LRRFIP1: variants seen among roughly 807,000 people sequenced by gnomAD.
LRRFIP1 encodes leucine-rich repeat flightless-interacting protein 1.
A neutral mutation model predicts 104.4 loss-of-function variants in LRRFIP1; 62 were observed. That is an observed-to-expected ratio of 0.59 (90% confidence interval 0.48 to 0.73). The LOEUF is 0.73. LRRFIP1 is among the 30% of genes least tolerant of loss of function. LRRFIP1 has a pLI of 0.00. For synonymous variants in LRRFIP1, 300 were observed against 299.0 expected, an observed-to-expected ratio of 1.00 and a Z score of -0.03; for missense variants, 796 against 824.5, an observed-to-expected ratio of 0.97 and a Z score of 0.42.
chr2:237,695,943 C>T (rs1476155829), intron 1 of LRRFIP1, among the ~76,000 whole-genome samples: 1 of 151,890 alleles, frequency 6.6e-6, no homozygotes, highest in Non-Finnish European at 1.5e-5. Flanking sequence ...TAGTATAATC[C>T]CCCTGCCCCA....
At chr2:237,692,197 T>A (rs1045143570) in intron 1 of LRRFIP1, 37 of 1,054,448 alleles carry the variant, frequency 3.5e-5, no homozygotes, top group Admixed American at 1.1e-4. Flanking sequence ...GAGTCCCGCT[T>A]CCCCGGCGCC....
chr2:237,683,921 A>G (rs954296236), intron 1 of LRRFIP1, among the ~76,000 whole-genome samples: 4 of 152,188 alleles, frequency 2.6e-5, no homozygotes, highest in Non-Finnish European at 2.9e-5. Flanking sequence ...TACTGTTTAA[A>G]TTCAGATTAT....
intron 1 of LRRFIP1, among the ~76,000 whole-genome samples, chr2:237,644,265 T>C (rs1575099860): frequency 6.6e-6 from 1 of 152,252 alleles, no homozygotes; most frequent in East Asian, 1.9e-4. Flanking sequence ...AGGAAAACTC[T>C]GCTAGGTTAA....
chr2:237,744,659 AT>A (rs1442682936), intron 11 of LRRFIP1, among the ~76,000 whole-genome samples: 2 of 152,252 alleles, frequency 1.3e-5, no homozygotes, highest in Non-Finnish European at 2.9e-5. Flanking sequence ...TTTCCAGTAG[AT>A]TTTCAATGAT....
intron 11 of LRRFIP1, among the ~76,000 whole-genome samples, chr2:237,741,525 C>T (rs56947644): frequency 0.049 from 7,402 of 152,228 alleles, 201 homozygotes; most frequent in Middle Eastern, 0.13. Flanking sequence ...ACTCACTTTT[C>T]AGAAAAGAAA....
intron 7 of LRRFIP1, among the ~76,000 whole-genome samples, chr2:237,725,892 A>G (rs1196312003): frequency 6.6e-6 from 1 of 152,262 alleles, no homozygotes; most frequent in Non-Finnish European, 1.5e-5. Context: ...CATAAGCAGC[A>G]GTGGAGAGCC....
Position 237,760,126 on chromosome 2 carries a change from T to TATG in LRRFIP1, c.1381_1382insTGA (p.Asn460_Asn461insMet), listed in dbSNP as rs773359908. 4 of 1,613,816 alleles carry TATG rather than the reference T, an allele frequency of 2.5e-6. No individual in the cohort carries two copies. The Admixed American group carries it at 5.0e-5, about 20-fold the overall frequency. ...ATGGAGAGACTTCCGACACCCTCAA[T>TATG]AATGTTGGATACCAAGGTCCTACCA... is the stretch of plus-strand genomic sequence containing the variant. On this transcript the variant is annotated inframe_insertion, in exon 19 of 24. Coordinates refer to ENST00000308482, the MANE Select transcript of LRRFIP1 (RefSeq NM_001137550.2).
In LRRFIP1 at chr2:237,661,381, CCTT is replaced by C. The variant is rs1407396479; in HGVS notation, c.96+33642_96+33644del. ...CACCATGCCTGCCAGTCCCTCTCCT[CCTT>C]AGAGCACAAGCCCTCTGATGCTCCC... is the stretch of plus-strand genomic sequence containing the variant. On this transcript the variant is annotated intron_variant, in intron 1 of 23. Transcript: ENST00000308482. The surrounding 1 kb of genome is among the most constrained non-coding windows in gnomAD (Gnocchi z 4.4). Among the ~76,000 whole-genome samples, 3 of 152,334 alleles carry C rather than the reference CCTT, an allele frequency of 2.0e-5. No homozygotes were observed. Among genetic ancestry groups the C allele is most frequent in the South Asian group, 2.1e-4 (1 of 4,826 alleles).
intron 2 of LRRFIP1, among the ~76,000 whole-genome samples, chr2:237,712,361 A>G (rs111656047): frequency 0.013 from 1,934 of 152,284 alleles, 33 homozygotes; most frequent in East Asian, 0.047. Flanking sequence ...TGAAGTTCAC[A>G]TTGAGGACGC....
rs1172576547 is a variant in LRRFIP1, at chr2:237,681,678, C to CTTTTTTTTTTTTTTTTTTTTTTTT, written c.97-26847_97-26846insTTTTTTTTTTTTTTTTTTTTTTTT. The stretch of plus-strand genomic sequence containing the variant: ...CACCGTGCCCGGCCGCAGTCCTATT[C>CTTTTTTTTTTTTTTTTTTTTTTTT]TTTTTTTTTTTTTTTTTTTGAGACG... On this transcript the variant is annotated intron_variant, in intron 1 of 23. Transcript: ENST00000308482. Among the ~76,000 whole-genome samples the CTTTTTTTTTTTTTTTTTTTTTTTT allele has an allele frequency of 1.6e-4, 7 of 44,908 alleles. 3 individuals are homozygous for CTTTTTTTTTTTTTTTTTTTTTTTT. Among genetic ancestry groups the CTTTTTTTTTTTTTTTTTTTTTTTT allele is most frequent in the African/African-American group, 2.2e-4 (3 of 13,482 alleles). 29.5% of individuals were successfully genotyped at this position (44,908 alleles called of 152,430 possible). A position where few individuals can be genotyped will look rare whatever the true frequency, so the allele number is the denominator to read the frequency against.
chr2:237,779,628 C>A lies in LRRFIP1; in HGVS notation c.*96C>A. On this transcript the variant is annotated 3_prime_UTR_variant, in exon 24 of 24. Transcript: ENST00000308482. ...CTGGGAGCGCTGCTTCTTCCCCTGC[C>A]TTCCGAGAGACGAAGACCGTGGCGA... The A allele has an allele frequency of 1.8e-6, 2 of 1,125,186 alleles. No individual in the cohort carries two copies. Among genetic ancestry groups the A allele is most frequent in the South Asian group, 1.3e-5 (1 of 75,432 alleles). 69.7% of individuals were successfully genotyped at this position (1,125,186 alleles called of 1,614,324 possible). A position where few individuals can be genotyped will look rare whatever the true frequency, so the allele number is the denominator to read the frequency against.
chr2:237,758,159 A>C (rs978896682), intron 17 of LRRFIP1, among the ~76,000 whole-genome samples: 3 of 144,610 alleles, frequency 2.1e-5, no homozygotes, highest in Non-Finnish European at 4.5e-5. Flanking sequence ...ATACCTGCAC[A>C]AACCATCGGC....
chr2:237,720,035 C>T (rs974461534), intron 5 of LRRFIP1, among the ~76,000 whole-genome samples: 3 of 150,608 alleles, frequency 2.0e-5, no homozygotes, highest in Non-Finnish European at 2.9e-5. Flanking sequence ...GCAACCTCCA[C>T]CTCCCAGGTT....
intron 13 of LRRFIP1, among the ~76,000 whole-genome samples, chr2:237,750,045 A>T (rs1457573842): frequency 6.6e-6 from 1 of 151,460 alleles, no homozygotes; most frequent in East Asian, 2.0e-4. Flanking sequence ...GCCAGAACTG[A>T]CTCAGATTCT....
At chr2:237,710,486 C>T (rs556347223) in intron 2 of LRRFIP1, among the ~76,000 whole-genome samples, 18 of 152,106 alleles carry the variant, frequency 1.2e-4, no homozygotes, top group East Asian at 9.7e-4. Context: ...GGGGTTTCAC[C>T]GTGTTAGCCA....
chr2:237,774,581 T>C, intron 23 of LRRFIP1, 119 bp downstream of exon 23: 1 of 691,630 alleles, frequency 1.4e-6, no homozygotes, highest in South Asian at 1.8e-5. Flanking sequence ...TGTCAGATCA[T>C]CCCACACCAC....
At chr2:237,753,834 G>GT (rs75180326) in intron 15 of LRRFIP1, among the ~76,000 whole-genome samples, 5 of 120,284 alleles carry the variant, frequency 4.2e-5, no homozygotes, top group Non-Finnish European at 6.9e-5. Context: ...GTGTGTGTGT[G>GT]TGTGTGTATG....
intron 1 of LRRFIP1, among the ~76,000 whole-genome samples, chr2:237,668,076 GC>G (rs976062480): frequency 1.3e-5 from 2 of 151,918 alleles, no homozygotes; most frequent in Non-Finnish European, 2.9e-5. Flanking sequence ...CACCCTGCCA[GC>G]AGCTGCTCCT....
intron 1 of LRRFIP1, among the ~76,000 whole-genome samples, chr2:237,694,662 T>C (rs1036105147): frequency 5.3e-5 from 8 of 151,926 alleles, no homozygotes; most frequent in African/African-American, 1.7e-4. Context: ...GAGAGCCGGG[T>C]TGGTCAGAGG....
Sources: allele counts gnomAD v4.1 joint callset (sites outside exome capture counted in the v4.1 genomes callset), GRCh38; gene constraint gnomAD v4.1.1; non-coding constraint Gnocchi (gnomAD v3.1); transcripts MANE v1.5; gene names NCBI Gene and HGNC (gene_info 2026-07-23, HGNC 2026-07-21).